TTLL5: variants seen among roughly 807,000 people sequenced by gnomAD.
TTLL5 encodes tubulin polyglutamylase TTLL5.
Under a neutral mutation model 168.4 loss-of-function variants are expected in TTLL5, and 132 were observed. The ratio of observed to expected loss-of-function variants is 0.78; its 90% CI spans 0.68 to 0.91. The LOEUF (loss-of-function observed/expected upper bound fraction) is 0.91, where lower values mean the gene tolerates loss of function less well. Ranked by LOEUF, TTLL5 falls within the 40% of genes least tolerant of loss-of-function variation. The pLI is 0.00. For missense variants in TTLL5, 1,545 were observed against 1,581.5 expected (o/e 0.98, Z 0.39); for synonymous variants, 546 against 558.6 (o/e 0.98, Z 0.32).
At chr14:75,707,575 A>C in intron 8 of TTLL5, 48 bp from the exon 9 acceptor site, 2 of 1,553,724 alleles carry the variant, frequency 1.3e-6, no homozygotes, top group South Asian at 1.2e-5. Context: ...GTAACAGGAA[A>C]CAAATGAACT....
At chr14:75,663,954 GGTATCT>G (rs777208559) in intron 2 of TTLL5, among the ~76,000 whole-genome samples, 1 of 151,950 alleles carries the variant, frequency 6.6e-6, no homozygotes, top group Non-Finnish European at 1.5e-5. Flanking sequence ...CGTGATGGTG[GGTATCT>G]GTAATCTCAG....
chr14:75,896,523 A>G (rs938607905), intron 30 of TTLL5, among the ~76,000 whole-genome samples: 5 of 152,084 alleles, frequency 3.3e-5, no homozygotes, highest in African/African-American at 1.2e-4. Flanking sequence ...CCTTCCTTCT[A>G]CAGAAAGGTC....
chr14:75,699,302 C>T (rs747882458), intron 7 of TTLL5, 32 bp downstream of exon 7: 1 of 1,560,098 alleles, frequency 6.4e-7, no homozygotes, highest in Non-Finnish European at 8.8e-7. Flanking sequence ...AACCTCTCTC[C>T]TCACTTGTTC....
intron 26 of TTLL5, among the ~76,000 whole-genome samples, chr14:75,786,693 A>T (rs1272116717): frequency 6.6e-6 from 1 of 152,220 alleles, no homozygotes; most frequent in East Asian, 1.9e-4. Flanking sequence ...AATATACAGC[A>T]TCAAATTTCA....
intron 27 of TTLL5, among the ~76,000 whole-genome samples, chr14:75,799,218 G>T (rs1893152719): frequency 6.6e-6 from 1 of 152,092 alleles, no homozygotes; most frequent in Admixed American, 6.6e-5. Context: ...ATTACGTAAT[G>T]TCCCTCTTTG....
chr14:75,933,547 C>T (rs117799279), intron 31 of TTLL5, among the ~76,000 whole-genome samples: 1,945 of 152,318 alleles, frequency 0.013, 20 homozygotes, highest in Non-Finnish European at 0.022. Flanking sequence ...CAAGGTCTCT[C>T]ATGAAGTTAC....
intron 29 of TTLL5, among the ~76,000 whole-genome samples, chr14:75,865,442 C>T (rs2030438801): frequency 6.6e-6 from 1 of 151,918 alleles, no homozygotes; most frequent in Admixed American, 6.6e-5. Flanking sequence ...TTACCTGGGC[C>T]ACAGAATAAT....
intron 28 of TTLL5, among the ~76,000 whole-genome samples, chr14:75,862,519 A>G (rs2030102217): frequency 6.6e-6 from 1 of 152,210 alleles, no homozygotes; most frequent in African/African-American, 2.4e-5. Flanking sequence ...TTTTAATAAT[A>G]GCCAAATGGG....
chr14:75,779,188 T>C lies in TTLL5; in HGVS notation c.2388-387T>C, dbSNP rs1007474429. On this transcript the variant is annotated intron_variant, in intron 23 of 31. Coordinates refer to ENST00000298832, the MANE Select transcript of TTLL5 (RefSeq NM_015072.5). Reference sequence around the variant, plus strand: ...CGCTGGTCAGGTTTAGCCCACAGTGTGTAGTTGTTTGCCGCCTGTTCTAGA... The same window carrying C: ...CGCTGGTCAGGTTTAGCCCACAGTGCGTAGTTGTTTGCCGCCTGTTCTAGA... Among the ~76,000 whole-genome samples, 3 of 152,222 alleles carry C rather than the reference T, an allele frequency of 2.0e-5. No individual in the cohort carries two copies. The South Asian group carries it at 6.2e-4, about 32-fold the overall frequency.
chr14:75,877,242 G>A (rs2031543958), intron 29 of TTLL5, among the ~76,000 whole-genome samples: 2 of 152,164 alleles, frequency 1.3e-5, no homozygotes, highest in Admixed American at 6.6e-5. Flanking sequence ...GGAAGCCTGA[G>A]TGAAGGCTAA....
At chr14:75,772,311 A>G (rs1429024265) in intron 21 of TTLL5, among the ~76,000 whole-genome samples, 1 of 152,210 alleles carries the variant, frequency 6.6e-6, no homozygotes, top group South Asian at 2.1e-4. Flanking sequence ...TGAAACCAGA[A>G]CTTAAACTCA....
intron 31 of TTLL5, among the ~76,000 whole-genome samples, chr14:75,904,970 C>T (rs1021104565): frequency 1.3e-5 from 2 of 152,190 alleles, no homozygotes; most frequent in African/African-American, 4.8e-5. Flanking sequence ...AAGTAACTGC[C>T]AGGCACACCA....
At chr14:75,748,984 A>G (rs1889783373) in intron 17 of TTLL5, among the ~76,000 whole-genome samples, 1 of 152,208 alleles carries the variant, frequency 6.6e-6, no homozygotes, top group South Asian at 2.1e-4. Context: ...AGAAAAAGCC[A>G]TTTTTAAAAA....
intron 9 of TTLL5, chr14:75,709,305 G>A (rs1002165625): frequency 1.4e-6 from 1 of 705,736 alleles, no homozygotes; most frequent in African/African-American, 1.7e-5. Context: ...AATGATTTTA[G>A]AGACTTAGTT....
chr14:75,834,880 G>C (rs1895788873), intron 28 of TTLL5, among the ~76,000 whole-genome samples: 1 of 151,956 alleles, frequency 6.6e-6, no homozygotes, highest in Non-Finnish European at 1.5e-5. Context: ...AGCCTGGGCA[G>C]TATAGTGAGA....
In TTLL5 at chr14:75,926,059, ACCGTGGG is replaced by A. The variant is rs556290161; in HGVS notation, c.3823+23857_3823+23863del. On this transcript the variant is annotated intron_variant, in intron 31 of 31. Coordinates refer to ENST00000298832, the MANE Select transcript of TTLL5 (RefSeq NM_015072.5). ...ACCGGGGAAAGAGAGGGAGAGGGAG[ACCGTGGG>A]CCGTGGGCCGTGGGCCGTGGGGAGA... is the stretch of plus-strand genomic sequence containing the variant. Among the ~76,000 whole-genome samples the A allele has an allele frequency of 1.7e-3, 243 of 144,796 alleles. 4 individuals carry two copies. The East Asian group carries it at 0.019, about 11-fold the overall frequency. 95.0% of individuals were successfully genotyped at this position (144,796 alleles called of 152,430 possible).
At chr14:75,798,019 T>G (rs1893084954) in intron 27 of TTLL5, among the ~76,000 whole-genome samples, 1 of 151,982 alleles carries the variant, frequency 6.6e-6, no homozygotes, top group South Asian at 2.1e-4. Flanking sequence ...TCAATAAGAT[T>G]CGTCTAATTC....
In TTLL5 at chr14:75,696,727, A is replaced by G. The variant is rs539563549; in HGVS notation, c.503-2461A>G. 2.0e-5 allele frequency among the ~76,000 whole-genome samples: 3 copies of G among 152,314 alleles called. No homozygotes were observed. The East Asian group carries it at 5.8e-4, about 29-fold the overall frequency. ...CCTCAGTCATCCCATTTTCCTCCCC[A>G]GAGATGATCAGTGTTACTAGTTTTT... On this transcript the variant is annotated intron_variant, in intron 6 of 31. Transcript: ENST00000298832.
At chr14:75,661,783 C>T (rs547876107) in intron 1 of TTLL5, 2 of 152,322 alleles carry the variant, frequency 1.3e-5, no homozygotes, top group African/African-American at 4.8e-5. Context: ...ATCAAGAAAT[C>T]CCGTTGAGAA....
Sources: gnomAD v4.1 joint callset for allele counts (sites outside exome capture counted in the v4.1 genomes callset) on GRCh38, gnomAD v4.1.1 for gene constraint, MANE v1.5 for transcripts, NCBI Gene and HGNC (gene_info 2026-07-23, HGNC 2026-07-21) for gene names.